The following ARHGEF1 variants were observed in gnomAD, a reference collection of about 807,000 sequenced individuals.
ARHGEF1 encodes 115 kDa guanine nucleotide exchange factor.
Under a neutral mutation model 119.7 loss-of-function variants are expected in ARHGEF1, and 40 were observed. The ratio of observed to expected loss-of-function variants is 0.33; its 90% CI spans 0.26 to 0.44. The LOEUF is 0.44. Among genes scored for constraint, ARHGEF1 ranks in the 20% least tolerant of loss-of-function variants. The probability of loss-of-function intolerance (pLI) is 1.00; values close to 1 mark genes in which losing one functional copy is unlikely to be tolerated. For missense variants in ARHGEF1, 976 were observed against 1,268.3 expected (o/e 0.77, Z 3.50); for synonymous variants, 494 against 521.0 (o/e 0.95, Z 0.71).
At chr19:41,901,835 C>A (rs2074609396) in intron 14 of ARHGEF1, 52 bp from the exon 15 acceptor site, 1 of 1,582,920 alleles carries the variant, frequency 6.3e-7, no homozygotes, top group Non-Finnish European at 8.6e-7. Context: ...TGAGGTCATG[C>A]CCCCTAGTCT....
chr19:41,900,309 T>C (rs2074580164), intron 14 of ARHGEF1, among the ~76,000 whole-genome samples: 1 of 151,766 alleles, frequency 6.6e-6, no homozygotes, highest in Admixed American at 6.6e-5. Flanking sequence ...CCACCACACT[T>C]CAATCTAGGT....
Position 41,903,694 on chromosome 19 carries a change from GTC to G in ARHGEF1, c.1840-9_1840-8del, listed in dbSNP as rs1219007562. ...CTTAGCTTGTCCCCATAATGCTCCC[GTC>G]TCTGCCCCAGAGGCTCAAGGACTAT... On this transcript the variant is annotated splice_polypyrimidine_tract_variant and intron_variant, in intron 19 of 28. Coordinates refer to ENST00000354532, the MANE Select transcript of ARHGEF1 (RefSeq NM_004706.4). The surrounding 1 kb of genome is among the most constrained non-coding windows in gnomAD (Gnocchi z 4.2). 4.3e-6 allele frequency: 7 copies of G among 1,611,848 alleles called. No homozygotes were observed. Among genetic ancestry groups the G allele is most frequent in the Non-Finnish European group, 5.9e-6 (7 of 1,179,952 alleles).
In ARHGEF1 at chr19:41,903,561, C is replaced by T. The variant is rs1285682315; in HGVS notation, c.1840-146C>T. On this transcript the variant is annotated intron_variant, in intron 19 of 28. Coordinates refer to ENST00000354532, the MANE Select transcript of ARHGEF1 (RefSeq NM_004706.4). The surrounding 1 kb of genome is among the most constrained non-coding windows in gnomAD (Gnocchi z 4.2). ...GGGGTTGGCTTGGCCCTCAGCATCT[C>T]CCTCTCAGGGTCATTGGAGGTCAGG... is the stretch of plus-strand genomic sequence containing the variant. 3 of 1,099,626 alleles carry T rather than the reference C, an allele frequency of 2.7e-6. No individual in the cohort carries two copies. Among genetic ancestry groups the T allele is most frequent in the Non-Finnish European group, 2.7e-6 (2 of 751,164 alleles). 68.1% of individuals were successfully genotyped at this position (1,099,626 alleles called of 1,614,324 possible). A position where few individuals can be genotyped will look rare whatever the true frequency, so the allele number is the denominator to read the frequency against.
Position 41,904,864 on chromosome 19 carries a change from G to C in ARHGEF1, c.2162-85G>C. On this transcript the variant is annotated intron_variant, in intron 22 of 28. Coordinates refer to ENST00000354532, the MANE Select transcript of ARHGEF1 (RefSeq NM_004706.4). The surrounding 1 kb of genome is among the most constrained non-coding windows in gnomAD (Gnocchi z 8.4). Reference sequence around the variant, plus strand: ...GGAGCCCTGAGAGCGCCACCACTGTGGGTGACTTCTCCAGCTTGTGCTTAG... The same window carrying C: ...GGAGCCCTGAGAGCGCCACCACTGTCGGTGACTTCTCCAGCTTGTGCTTAG... 8.6e-7 allele frequency: 1 copy of C among 1,166,822 alleles called. No homozygotes were observed. Among genetic ancestry groups the C allele is most frequent in the Non-Finnish European group, 1.3e-6 (1 of 778,900 alleles). 72.3% of individuals were successfully genotyped at this position (1,166,822 alleles called of 1,614,324 possible).
rs1021487918 is a variant in ARHGEF1 at position 41,904,522 on chromosome 19, G to A, written c.2161+139G>A. On this transcript the variant is annotated intron_variant, in intron 22 of 28. Coordinates refer to ENST00000354532, the MANE Select transcript of ARHGEF1 (RefSeq NM_004706.4). This position sits in a 1 kb window ranked among gnomAD's most constrained non-coding sequence, Gnocchi z 8.4. ...GAGGTTGAGAAGTAGGTGGAGGTGG[G>A]CAGGGCGGGGCCAGGCCTAGAGGGT... 31 of 1,055,978 alleles carry A rather than the reference G, an allele frequency of 2.9e-5. No individual in the cohort carries two copies. The highest frequency in any genetic ancestry group is 4.0e-5 in the Non-Finnish European group (30 of 751,554). The allele number at this position is 1,055,978 out of a possible 1,614,324, so 65.4% of individuals were successfully genotyped here. A position where few individuals can be genotyped will look rare whatever the true frequency, so the allele number is the denominator to read the frequency against.
At chr19:41,922,176 G>A (rs1207288957), upstream of ARHGEF1, among the ~76,000 whole-genome samples, 10 of 152,074 alleles carry the variant, frequency 6.6e-5, no homozygotes, top group Non-Finnish European at 1.0e-4. Flanking sequence ...CCTTCTAGAC[G>A]GCAACCACCA....
Position 41,888,357 on chromosome 19 carries a change from GTCT to G in ARHGEF1, c.111+84_111+86del, listed in dbSNP as rs1168601164. ...AGGTCCCCTCCCACCTGCAGATGCT[GTCT>G]TCTTGGCCTTTTCCCACGGTCTGTC... On this transcript the variant is annotated intron_variant, in intron 3 of 28. Transcript: ENST00000354532. This position sits in a 1 kb window ranked among gnomAD's most constrained non-coding sequence, Gnocchi z 5.1. The G allele has an allele frequency of 2.8e-6, 4 of 1,423,206 alleles. No individual in the cohort carries two copies. Among genetic ancestry groups the G allele is most frequent in the African/African-American group, 1.4e-5 (1 of 70,274 alleles). 88.2% of individuals were successfully genotyped at this position (1,423,206 alleles called of 1,614,324 possible).
chr19:41,906,287 C>G lies in ARHGEF1; in HGVS notation c.2492-170C>G. 1.4e-6 allele frequency: 1 copy of G among 724,004 alleles called. No individual in the cohort carries two copies. Among genetic ancestry groups the G allele is most frequent in the Non-Finnish European group, 2.3e-6 (1 of 438,274 alleles). The allele number at this position is 724,004 out of a possible 1,614,324, so 44.8% of individuals were successfully genotyped here. On this transcript the variant is annotated intron_variant, in intron 26 of 28. Coordinates refer to ENST00000354532, the MANE Select transcript of ARHGEF1 (RefSeq NM_004706.4). The surrounding 1 kb of genome is among the most constrained non-coding windows in gnomAD (Gnocchi z 4.5). ...CTTCCTGCCCTGTCCCAACCCTAAA[C>G]CCAGCCTCACTTCTTCACCTCCCTT...
At position 41,892,821 on chromosome 19, in the gene ARHGEF1, C is replaced by G. The variant is rs1256811497; in HGVS notation, c.586C>G (p.Arg196Gly). ...YEARERHVAE[R>G]LLMHLEEMQH... is the part of the protein sequence containing the mutation. ...GGCCCGGGAGCGGCACGTGGCGGAG[C>G]GGCTGCTCATGCACCTGGAGGAGAT... Residue 196 changes from arginine to glycine, a missense_variant, in exon 7 of 29, where the codon CGG becomes GGG. This residue lies in a region of ARHGEF1 where 519 missense variants were observed against 580.9 expected (regional missense o/e 0.89). Coordinates refer to ENST00000354532, the MANE Select transcript of ARHGEF1 (RefSeq NM_004706.4). The surrounding 1 kb of genome is among the most constrained non-coding windows in gnomAD (Gnocchi z 6.3). 1 of 1,575,180 alleles carries G rather than the reference C, an allele frequency of 6.3e-7. No homozygotes were observed. Among genetic ancestry groups the G allele is most frequent in the Admixed American group, 1.7e-5 (1 of 57,780 alleles).
downstream of ARHGEF1, among the ~76,000 whole-genome samples, chr19:41,911,117 C>A (rs1232601570): frequency 6.6e-6 from 1 of 152,178 alleles, no homozygotes; most frequent in Non-Finnish European, 1.5e-5. Flanking sequence ...CAAACCTGCA[C>A]ACAGAGGCAC....
At position 41,905,673 on chromosome 19, in the gene ARHGEF1, C is replaced by T; in HGVS notation, c.2337-87C>T. 7.1e-7 allele frequency: 1 copy of T among 1,414,238 alleles called. No individual in the cohort carries two copies. The highest frequency in any genetic ancestry group is 1.2e-5 in the South Asian group (1 of 84,488). The allele number at this position is 1,414,238 out of a possible 1,614,324, so 87.6% of individuals were successfully genotyped here. A position where few individuals can be genotyped will look rare whatever the true frequency, so the allele number is the denominator to read the frequency against. On this transcript the variant is annotated intron_variant, in intron 24 of 28. Coordinates refer to ENST00000354532, the MANE Select transcript of ARHGEF1 (RefSeq NM_004706.4). The surrounding 1 kb of genome is among the most constrained non-coding windows in gnomAD (Gnocchi z 6.4). ...CTGTCTCTGTCTCCGGACCTCCCTG[C>T]CTCCCCACCTCCAGCTCTCTGTCTC... is the stretch of plus-strand genomic sequence containing the variant.
In ARHGEF1 at chr19:41,906,471, C is replaced by G. The variant is rs45580632; in HGVS notation, c.2506C>G (p.Gln836Glu). ...TALRKVLSLK[Q>E]LLFPAEEDNG... ...CCCCTGGCCAGTGCTGTCCCTGAAGCAGCTTCTGTTTCCGGCGGAGGAAGA... is the reference window on the plus strand; with the variant it reads ...CCCCTGGCCAGTGCTGTCCCTGAAGGAGCTTCTGTTTCCGGCGGAGGAAGA... Residue 836 changes from glutamine to glutamate, a missense_variant, in exon 27 of 29, where the codon CAG becomes GAG. By Grantham distance (29) the Gln-to-Glu change is conservative (BLOSUM62 2). Around this residue, in one of 3 missense-constraint regions of ARHGEF1, gnomAD observed 171 missense variants for 180.6 expected, o/e 0.95. Coordinates refer to ENST00000354532, the MANE Select transcript of ARHGEF1 (RefSeq NM_004706.4). This position sits in a 1 kb window ranked among gnomAD's most constrained non-coding sequence, Gnocchi z 4.5. 1.9e-3 allele frequency: 2,941 copies of G among 1,574,156 alleles called. 1 individual carries two copies. Among genetic ancestry groups the G allele is most frequent in the Non-Finnish European group, 2.2e-3 (2,590 of 1,167,434 alleles).
chr19:41,903,564 T>TGAGAGGGAGATG lies in ARHGEF1; in HGVS notation c.1840-143_1840-142insGAGAGGGAGATG. ...GTTGGCTTGGCCCTCAGCATCTCCC[T>TGAGAGGGAGATG]CTCAGGGTCATTGGAGGTCAGGCCC... is the stretch of plus-strand genomic sequence containing the variant. On this transcript the variant is annotated intron_variant, in intron 19 of 28. Coordinates refer to ENST00000354532, the MANE Select transcript of ARHGEF1 (RefSeq NM_004706.4). This position sits in a 1 kb window ranked among gnomAD's most constrained non-coding sequence, Gnocchi z 4.2. The TGAGAGGGAGATG allele has an allele frequency of 9.0e-7, 1 of 1,107,364 alleles. No individual in the cohort carries two copies. Among genetic ancestry groups the TGAGAGGGAGATG allele is most frequent in the Non-Finnish European group, 1.3e-6 (1 of 758,068 alleles). 68.6% of individuals were successfully genotyped at this position (1,107,364 alleles called of 1,614,324 possible).
intron 18 of ARHGEF1, among the ~76,000 whole-genome samples, chr19:41,914,115 A>C (rs1015987780): frequency 2.3e-5 from 2 of 85,784 alleles, no homozygotes; most frequent in Admixed American, 1.5e-4. Flanking sequence ...CAGACACCCC[A>C]TGTCCCCTCA....
chr19:41,921,734 G>T (rs574243711), upstream of ARHGEF1, among the ~76,000 whole-genome samples: 6 of 152,194 alleles, frequency 3.9e-5, no homozygotes, highest in East Asian at 1.2e-3. The surrounding 1 kb of genome is among the most constrained non-coding windows in gnomAD (Gnocchi z 4.4). Context: ...TGGAGGTGGA[G>T]TGGAAGGCTC....
intron 12 of ARHGEF1, among the ~76,000 whole-genome samples, chr19:41,896,152 G>C (rs1345992463): frequency 6.6e-6 from 1 of 152,100 alleles, no homozygotes; most frequent in African/African-American, 2.4e-5. Context: ...CATCCACCCA[G>C]GACACACAGG....
rs2074614891 is a variant in ARHGEF1 at position 41,902,179 on chromosome 19, A to G, written c.1415-95A>G. 6 of 1,565,350 alleles carry G rather than the reference A, an allele frequency of 3.8e-6. No homozygotes were observed. The East Asian group carries it at 1.4e-4, about 35-fold the overall frequency. On this transcript the variant is annotated intron_variant, in intron 15 of 28. Transcript: ENST00000354532. The surrounding 1 kb of genome is among the most constrained non-coding windows in gnomAD (Gnocchi z 6.5). ...ATCCGGTCCCGAGGATCAGACACAG[A>G]CACACCTGCAGCCCTACCCCCACCA...
chr19:41,908,639 A>C, downstream of ARHGEF1: 2 of 1,231,350 alleles, frequency 1.6e-6, no homozygotes, highest in Non-Finnish European at 2.0e-6. This position sits in a 1 kb window ranked among gnomAD's most constrained non-coding sequence, Gnocchi z 6.7. Flanking sequence ...GGCCATAAGG[A>C]CCCAGCAGGC....
In ARHGEF1 at chr19:41,894,564, C is replaced by A; in HGVS notation, c.841+17C>A. On this transcript the variant is annotated intron_variant, in intron 10 of 28. Transcript: ENST00000354532. ...AGCCCCAGGGTAAGGCGGCTCTGGC[C>A]TCTGCCCTCCCCTGTCTTCCCCAGC... 6.2e-7 allele frequency: 1 copy of A among 1,613,924 alleles called. No homozygotes were observed. Among genetic ancestry groups the A allele is most frequent in the Non-Finnish European group, 8.5e-7 (1 of 1,179,842 alleles).
Sources: allele counts gnomAD v4.1 joint callset (sites outside exome capture counted in the v4.1 genomes callset), GRCh38; gene constraint gnomAD v4.1.1; regional missense constraint gnomAD v4.1.1; non-coding constraint Gnocchi (gnomAD v3.1); transcripts MANE v1.5; gene names NCBI Gene and HGNC (gene_info 2026-07-23, HGNC 2026-07-21).